IPO7: variants seen among roughly 807,000 people sequenced by gnomAD.
The protein encoded by IPO7 is importin-7.
In IPO7, 13 loss-of-function variants were observed where a neutral mutation model predicts 136.4. That is an observed-to-expected ratio of 0.10 (90% confidence interval 0.06 to 0.15). The LOEUF (loss-of-function observed/expected upper bound fraction) is 0.15. Among genes scored for constraint, IPO7 ranks in the 10% least tolerant of loss-of-function variants. The pLI is 1.00. For synonymous variants in IPO7, 403 were observed against 404.4 expected, an observed-to-expected ratio of 1.00 and a Z score of 0.04; for missense variants, 857 against 1,240.6, an observed-to-expected ratio of 0.69 and a Z score of 4.65.
rs944453352 is a variant in IPO7 at position 9,437,993 on chromosome 11, T to C, written c.2489+19T>C. ...TCTTGGGGTAAGTGATGTATTGCAA[T>C]TTTACTACATTTGCTTTGGGAGGAA... On this transcript the variant is annotated intron_variant, in intron 21 of 24. Transcript: ENST00000379719. The C allele has an allele frequency of 6.2e-7, 1 of 1,601,708 alleles. No homozygotes were observed. Among genetic ancestry groups the C allele is most frequent in the African/African-American group, 1.3e-5 (1 of 74,350 alleles).
rs182169121 is a variant in IPO7 at position 9,421,738 on chromosome 11, A to T, written c.906+1040A>T. On this transcript the variant is annotated intron_variant, in intron 8 of 24. Transcript: ENST00000379719. Reference sequence around the variant, plus strand: ...GGCGGGCGGATCACGAGGTCAGGAGATCAAGACCATCCTGGCTAACACAGT... The same window carrying T: ...GGCGGGCGGATCACGAGGTCAGGAGTTCAAGACCATCCTGGCTAACACAGT... 3.5e-3 allele frequency among the ~76,000 whole-genome samples: 525 copies of T among 149,320 alleles called. 9 individuals carry two copies. Among genetic ancestry groups the T allele is most frequent in the South Asian group, 0.023 (108 of 4,684 alleles).
intron 2 of IPO7, among the ~76,000 whole-genome samples, chr11:9,406,104 C>CCTT (rs749091662): frequency 1.6e-5 from 1 of 61,816 alleles, no homozygotes; most frequent in Non-Finnish European, 2.6e-5. Flanking sequence ...TGAGGCTGGT[C>CCTT]TTTTTTTTTT....
intron 8 of IPO7, among the ~76,000 whole-genome samples, chr11:9,422,803 C>A (rs552874182): frequency 2.0e-4 from 30 of 152,142 alleles, no homozygotes; most frequent in South Asian, 8.3e-4. Context: ...ACAAAAAAAA[C>A]CCCAGAAAAA....
intron 6 of IPO7, among the ~76,000 whole-genome samples, chr11:9,418,881 T>C (rs1855081869): frequency 6.6e-6 from 1 of 152,226 alleles, no homozygotes; most frequent in Admixed American, 6.5e-5. Flanking sequence ...AAGTAATCTT[T>C]TGTTCCTGGC....
chr11:9,393,466 G>A (rs573856091), intron 1 of IPO7, among the ~76,000 whole-genome samples: 3 of 152,214 alleles, frequency 2.0e-5, no homozygotes, highest in South Asian at 4.1e-4. Flanking sequence ...TGCAACCTCC[G>A]TCTCCTGGGT....
intron 8 of IPO7, among the ~76,000 whole-genome samples, chr11:9,422,253 C>T (rs1352512183): frequency 1.3e-5 from 2 of 151,830 alleles, no homozygotes; most frequent in Admixed American, 6.6e-5. Flanking sequence ...AGCAAAACTC[C>T]ATCTCAAATA....
chr11:9,391,627 C>G lies in IPO7; in HGVS notation c.84+6780C>G, dbSNP rs531589835. Among the ~76,000 whole-genome samples, 57 of 152,258 alleles carry G rather than the reference C, an allele frequency of 3.7e-4. No homozygotes were observed. In the South Asian group the frequency reaches 0.012, roughly 31 times the overall value. Reference sequence around the variant, plus strand: ...GAGGCTGAGGCAGAATGGCATGAACCTGGGAGGCAGAGCTTGCGGTGAGCA... The same window carrying G: ...GAGGCTGAGGCAGAATGGCATGAACGTGGGAGGCAGAGCTTGCGGTGAGCA... On this transcript the variant is annotated intron_variant, in intron 1 of 24. Coordinates refer to ENST00000379719, the MANE Select transcript of IPO7 (RefSeq NM_006391.3).
intron 4 of IPO7, among the ~76,000 whole-genome samples, chr11:9,413,435 T>TTAAA (rs1188345499): frequency 1.3e-5 from 2 of 152,174 alleles, no homozygotes; most frequent in African/African-American, 4.8e-5. Context: ...ATAATCAGTT[T>TTAAA]TATTTATCAG....
intron 20 of IPO7, among the ~76,000 whole-genome samples, chr11:9,437,335 GCCTCTGCCTCCCAGGTTCACGCC>G (rs1855392915): frequency 2.9e-5 from 2 of 69,506 alleles, no homozygotes; most frequent in Admixed American, 1.7e-4. Flanking sequence ...TCAGCTCACT[GCCTCTGCCTCCCAGGTTCACGCC>G]ATTCTCCTTC....
intron 1 of IPO7, among the ~76,000 whole-genome samples, chr11:9,401,189 A>G (rs1854790289): frequency 6.6e-6 from 1 of 152,150 alleles, no homozygotes; most frequent in Non-Finnish European, 1.5e-5. Flanking sequence ...CTCAAAAAAA[A>G]AAAAAGAAGA....
chr11:9,445,397 A>AT lies in IPO7; in HGVS notation c.*204dup. On this transcript the variant is annotated 3_prime_UTR_variant, in exon 25 of 25. Coordinates refer to ENST00000379719, the MANE Select transcript of IPO7 (RefSeq NM_006391.3). ...AGCGGGATTTTGGGGGTGGGGGGGGATGGGAGGTACCTTAGAGGGAGTATT... is the reference window on the plus strand; with the variant it reads ...AGCGGGATTTTGGGGGTGGGGGGGGATTGGGAGGTACCTTAGAGGGAGTATT... 1 of 160,054 alleles carries AT rather than the reference A, an allele frequency of 6.2e-6. No individual in the cohort carries two copies. The highest frequency in any genetic ancestry group is 9.2e-5 in the South Asian group (1 of 10,848). 9.9% of individuals were successfully genotyped at this position (160,054 alleles called of 1,614,324 possible).
At chr11:9,417,417 G>T (rs1397974936) in intron 6 of IPO7, among the ~76,000 whole-genome samples, 2 of 151,898 alleles carry the variant, frequency 1.3e-5, no homozygotes, top group Non-Finnish European at 2.9e-5. Context: ...TAAATCTTCT[G>T]TTCCCTCTCA....
intron 22 of IPO7, among the ~76,000 whole-genome samples, chr11:9,440,095 G>A (rs1025527608): frequency 6.6e-6 from 1 of 152,074 alleles, no homozygotes; most frequent in Non-Finnish European, 1.5e-5. Flanking sequence ...ATTATTATAA[G>A]GGTTTCAACA....
intron 6 of IPO7, among the ~76,000 whole-genome samples, chr11:9,417,521 T>G (rs1206190401): frequency 1.3e-5 from 2 of 151,952 alleles, no homozygotes; most frequent in African/African-American, 4.8e-5. Context: ...ATTTACAGAT[T>G]GGCCAACTTT....
intron 1 of IPO7, among the ~76,000 whole-genome samples, chr11:9,400,718 G>C (rs1017370924): frequency 6.6e-6 from 1 of 151,736 alleles, no homozygotes; most frequent in Non-Finnish European, 1.5e-5. Context: ...CACTGTGCCC[G>C]GCCTACTAAA....
At chr11:9,408,662 C>T (rs1414169885) in intron 3 of IPO7, 23 bp downstream of exon 3, 1 of 1,441,314 alleles carries the variant, frequency 6.9e-7, no homozygotes, top group Non-Finnish European at 9.3e-7. Context: ...AAAATTTACC[C>T]ATTTCTGCAG....
intron 22 of IPO7, 126 bp downstream of exon 22, chr11:9,438,411 G>A (rs551067599): frequency 2.6e-5 from 17 of 646,458 alleles, no homozygotes; most frequent in South Asian, 5.4e-5. Context: ...TGGATCACAC[G>A]GTCAGGAGTT....
intron 8 of IPO7, among the ~76,000 whole-genome samples, chr11:9,422,338 G>A (rs1390467251): frequency 6.6e-6 from 1 of 150,898 alleles, no homozygotes; most frequent in Non-Finnish European, 1.5e-5. Flanking sequence ...TTCAAATAAG[G>A]CATCAGAACA....
chr11:9,444,563 A>G (rs905607592), intron 24 of IPO7, among the ~76,000 whole-genome samples: 3 of 151,238 alleles, frequency 2.0e-5, no homozygotes, highest in African/African-American at 4.8e-5. Flanking sequence ...AGGTTTCACT[A>G]TGTTGGCCAG....
Sources: allele counts gnomAD v4.1 joint callset (sites outside exome capture counted in the v4.1 genomes callset), GRCh38; gene constraint gnomAD v4.1.1; transcripts MANE v1.5; gene names NCBI Gene and HGNC (gene_info 2026-07-23, HGNC 2026-07-21).